The following CEP112 variants were observed in gnomAD, a reference collection of about 807,000 sequenced individuals.
The protein encoded by CEP112 is centrosomal protein 112.
A neutral mutation model predicts 153.0 loss-of-function variants in CEP112; 127 were observed. That is an observed-to-expected ratio of 0.83 (90% CI 0.72 to 0.96). CEP112 has a LOEUF of 0.96. CEP112 is among the 40% of genes least tolerant of loss of function. The probability of loss-of-function intolerance (pLI) is 0.00; values close to 1 mark genes in which losing one functional copy is unlikely to be tolerated. For synonymous variants in CEP112, 358 were observed against 374.4 expected (o/e 0.96, Z 0.51); for missense variants, 1,089 against 1,101.2 (o/e 0.99, Z 0.16).
chr17:65,977,867 G>T (rs2063093900), intron 17 of CEP112, among the ~76,000 whole-genome samples: 1 of 152,066 alleles, frequency 6.6e-6, no homozygotes, highest in Admixed American at 6.6e-5. Context: ...TTGAAGTCAG[G>T]AGTTCAAGAC....
Position 66,133,790 on chromosome 17 carries a change from A to G in CEP112, c.471-1027T>C, listed in dbSNP as rs76367471. ...CCTTCACAAACTGTGACCTACACGA[A>G]GTATTTCTAAAAGACAGAATGTTAA... On this transcript the variant is annotated intron_variant, in intron 4 of 26. Coordinates refer to ENST00000535342, the MANE Select transcript of CEP112 (RefSeq NM_001199165.4). Among the ~76,000 whole-genome samples, 1,171 of 152,332 alleles carry G rather than the reference A, an allele frequency of 7.7e-3. 13 individuals are homozygous for G. The highest frequency in any genetic ancestry group is 0.026 in the African/African-American group (1,102 of 41,592).
intron 5 of CEP112, among the ~76,000 whole-genome samples, chr17:66,130,810 G>A (rs994763011): frequency 6.7e-6 from 1 of 150,178 alleles, no homozygotes; most frequent in African/African-American, 2.4e-5. Flanking sequence ...CAATTATGGT[G>A]ATTCTTCACT....
intron 21 of CEP112, among the ~76,000 whole-genome samples, chr17:65,834,661 A>T (rs2057226907): frequency 6.6e-6 from 1 of 152,234 alleles, no homozygotes; most frequent in Non-Finnish European, 1.5e-5. Context: ...ATCTCACACC[A>T]GTCAGAATGG....
chr17:65,966,413 T>A (rs2062417820), intron 17 of CEP112, among the ~76,000 whole-genome samples: 1 of 152,218 alleles, frequency 6.6e-6, no homozygotes, highest in African/African-American at 2.4e-5. Flanking sequence ...TCTGTTCCAG[T>A]ACATTTGATA....
chr17:65,636,818 G>C, intron 26 of CEP112: 1 of 273,414 alleles, frequency 3.7e-6, no homozygotes, highest in Non-Finnish European at 6.8e-6. Flanking sequence ...TACCAAGTTG[G>C]CCAGGCTGGT....
intron 6 of CEP112, among the ~76,000 whole-genome samples, chr17:66,104,205 TGA>T (rs905078753): frequency 6.6e-6 from 1 of 152,150 alleles, no homozygotes; most frequent in African/African-American, 2.4e-5. Flanking sequence ...TTTGCAGCTC[TGA>T]GAGAGACTCC....
intron 20 of CEP112, among the ~76,000 whole-genome samples, chr17:65,866,067 C>A (rs2058473771): frequency 6.6e-6 from 1 of 152,122 alleles, no homozygotes; most frequent in Non-Finnish European, 1.5e-5. Flanking sequence ...CCCTGCCGTC[C>A]TGGGTGCAAC....
chr17:66,154,994 CCT>C (rs372109071), intron 4 of CEP112, among the ~76,000 whole-genome samples: 2 of 151,528 alleles, frequency 1.3e-5, no homozygotes, highest in African/African-American at 4.8e-5. Flanking sequence ...TCCCTCCCTC[CCT>C]CTCTCTCTCT....
chr17:66,096,936 T>C (rs1265625129), intron 6 of CEP112, among the ~76,000 whole-genome samples: 1 of 152,196 alleles, frequency 6.6e-6, no homozygotes, highest in Non-Finnish European at 1.5e-5. Context: ...CAATGATTTA[T>C]ATTACCAGAA....
intron 4 of CEP112, among the ~76,000 whole-genome samples, chr17:66,137,688 T>G (rs1445140038): frequency 6.6e-6 from 1 of 152,156 alleles, no homozygotes; most frequent in East Asian, 1.9e-4. Flanking sequence ...AGAGAAAAAC[T>G]GCCAGTCAAG....
intron 16 of CEP112, among the ~76,000 whole-genome samples, chr17:66,024,570 A>AT (rs986706043): frequency 8.2e-6 from 1 of 121,218 alleles, no homozygotes; most frequent in Non-Finnish European, 1.8e-5. Context: ...TACAATAGTT[A>AT]TAAAAAAAAC....
intron 4 of CEP112, among the ~76,000 whole-genome samples, chr17:66,162,277 T>C (rs142981675): frequency 6.2e-4 from 94 of 152,268 alleles, no homozygotes; most frequent in African/African-American, 2.1e-3. Flanking sequence ...ATTCAAACTA[T>C]ACATCTGCCA....
chr17:66,034,927 T>G (rs2065649370), intron 12 of CEP112, among the ~76,000 whole-genome samples: 1 of 146,742 alleles, frequency 6.8e-6, no homozygotes, highest in Non-Finnish European at 1.5e-5. Context: ...GTCTCCCAAG[T>G]AGCTGGGACT....
chr17:65,665,750 C>A (rs929368255), intron 24 of CEP112, among the ~76,000 whole-genome samples: 1 of 152,308 alleles, frequency 6.6e-6, no homozygotes. Context: ...GCAACATATT[C>A]TTCTTATTGG....
intron 23 of CEP112, among the ~76,000 whole-genome samples, chr17:65,698,316 C>A (rs538642736): frequency 6.6e-6 from 1 of 152,154 alleles, no homozygotes; most frequent in Non-Finnish European, 1.5e-5. Context: ...AATACTGTGG[C>A]CACTATATAA....
At chr17:65,654,852 A>G (rs1490993374) in intron 24 of CEP112, 2 of 439,232 alleles carry the variant, frequency 4.6e-6, no homozygotes, top group Admixed American at 6.3e-5. Context: ...TCAAAGACTT[A>G]AATTCTGAAT....
intron 16 of CEP112, among the ~76,000 whole-genome samples, chr17:66,009,671 T>A (rs868195188): frequency 3.9e-4 from 59 of 152,210 alleles, no homozygotes; most frequent in African/African-American, 1.4e-3. Flanking sequence ...AGTTTCAATC[T>A]TTTGTATATG....
intron 20 of CEP112, among the ~76,000 whole-genome samples, chr17:65,863,437 T>C (rs193014567): frequency 7.6e-4 from 115 of 152,278 alleles, no homozygotes; most frequent in Non-Finnish European, 1.4e-3. Flanking sequence ...TGGTGTGTCA[T>C]GAGCACGACG....
At chr17:65,647,992 G>A (rs1173441483) in intron 24 of CEP112, among the ~76,000 whole-genome samples, 3 of 152,104 alleles carry the variant, frequency 2.0e-5, no homozygotes, top group Non-Finnish European at 2.9e-5. Context: ...TTTGATTCAA[G>A]ATCAAAATTT....
Sources: allele counts gnomAD v4.1 joint callset (sites outside exome capture counted in the v4.1 genomes callset), GRCh38; gene constraint gnomAD v4.1.1; transcripts MANE v1.5; gene names NCBI Gene and HGNC (gene_info 2026-07-23, HGNC 2026-07-21).